The following RTKN2 variants were observed in gnomAD, a reference collection of about 807,000 sequenced individuals.
The protein encoded by RTKN2 is rhotekin-2.
In RTKN2, 69 loss-of-function variants were observed where a neutral mutation model predicts 71.5. The ratio of observed to expected loss-of-function variants is 0.96; its 90% CI spans 0.79 to 1.18. RTKN2 has a LOEUF of 1.18. Among genes scored for constraint, RTKN2 ranks in the 50% most tolerant of loss-of-function variants. The pLI is 0.00. For missense variants in RTKN2, 724 were observed against 719.7 expected (o/e 1.01, Z -0.07); for synonymous variants, 236 against 236.5 (o/e 1.00, Z 0.02).
At chr10:62,209,320 A>G (rs935530727) in intron 9 of RTKN2, among the ~76,000 whole-genome samples, 3 of 152,092 alleles carry the variant, frequency 2.0e-5, no homozygotes, top group Non-Finnish European at 4.4e-5. Context: ...GCAACTAGAA[A>G]AATCCAGACT....
intron 9 of RTKN2, among the ~76,000 whole-genome samples, chr10:62,213,886 AATT>A (rs1182245329): frequency 6.6e-6 from 1 of 152,078 alleles, no homozygotes; most frequent in Non-Finnish European, 1.5e-5. Flanking sequence ...AAGGAAAAAT[AATT>A]ATATAACAGT....
At chr10:62,184,481 G>A in intron 8 of RTKN2, 1 of 613,294 alleles carries the variant, frequency 1.6e-6, no homozygotes. Flanking sequence ...GGCAGTCAGT[G>A]GAAAAGATTG....
chr10:62,254,164 C>T (rs1842631969), intron 2 of RTKN2, among the ~76,000 whole-genome samples: 1 of 152,164 alleles, frequency 6.6e-6, no homozygotes, highest in African/African-American at 2.4e-5. Context: ...CTCTGTGTCC[C>T]ACCCAAATCT....
intron 9 of RTKN2, among the ~76,000 whole-genome samples, chr10:62,209,498 T>C (rs1178130468): frequency 6.6e-6 from 1 of 152,038 alleles, no homozygotes; most frequent in East Asian, 1.9e-4. Flanking sequence ...GGGGTACAAG[T>C]GCAGGTTTGT....
rs1209640204 is a variant in RTKN2, at chr10:62,241,160, G to A, written c.352C>T (p.His118Tyr). 2 of 1,556,318 alleles carry A rather than the reference G, an allele frequency of 1.3e-6. No homozygotes were observed. The highest frequency in any genetic ancestry group is 2.3e-5 in the East Asian group (1 of 44,302). Residue 118 changes from histidine (H) to tyrosine (Y), a missense_variant, in exon 4 of 12, where the codon CAC (histidine) becomes TAC (tyrosine). Transcript: ENST00000373789. ...TACATACGTTCTTTATTGCTGAAGT[G>A]ATCAGAGTCTTTCCACATTAGTGGT... ...RIPLMWKDSDHFSNKERSRRY... is the reference protein window; with the variant it reads ...RIPLMWKDSDYFSNKERSRRY...
At chr10:62,220,441 C>CT (rs1459893524) in intron 7 of RTKN2, among the ~76,000 whole-genome samples, 1 of 152,104 alleles carries the variant, frequency 6.6e-6, no homozygotes, top group African/African-American at 2.4e-5. Flanking sequence ...CTGAAATCAA[C>CT]TTTGTGATTT....
At chr10:62,268,107 C>G (rs886503656) in intron 1 of RTKN2, among the ~76,000 whole-genome samples, 4 of 152,230 alleles carry the variant, frequency 2.6e-5, no homozygotes, top group Non-Finnish European at 5.9e-5. Flanking sequence ...CCCCCTCCCC[C>G]CAACCAGTTC....
intron 6 of RTKN2, among the ~76,000 whole-genome samples, chr10:62,231,996 T>C (rs1842158941): frequency 6.6e-6 from 1 of 152,212 alleles, no homozygotes; most frequent in African/African-American, 2.4e-5. Context: ...GGGTTCACAC[T>C]ACAGTGTCAA....
chr10:62,224,212 A>G (rs1841971418), intron 6 of RTKN2, among the ~76,000 whole-genome samples: 1 of 152,104 alleles, frequency 6.6e-6, no homozygotes, highest in Non-Finnish European at 1.5e-5. Flanking sequence ...ATTAGTGTTC[A>G]ATAGGTACAG....
At chr10:62,234,936 C>G (rs1337703064) in intron 6 of RTKN2, among the ~76,000 whole-genome samples, 1 of 151,916 alleles carries the variant, frequency 6.6e-6, no homozygotes. Flanking sequence ...GTAGGAAGTA[C>G]ATCTAATAAT....
At chr10:62,239,333 TTC>T (rs1842323206) in intron 5 of RTKN2, 1 of 181,130 alleles carries the variant, frequency 5.5e-6, no homozygotes, top group African/African-American at 2.4e-5. Flanking sequence ...TTACAGGATA[TTC>T]TGTTGTATGC....
chr10:62,211,730 G>A (rs932635528), intron 9 of RTKN2, among the ~76,000 whole-genome samples: 6 of 151,272 alleles, frequency 4.0e-5, no homozygotes, highest in Non-Finnish European at 8.8e-5. Context: ...GCACAATCTC[G>A]GCTCACTGCA....
At chr10:62,186,867 T>G (rs977369741) in intron 8 of RTKN2, among the ~76,000 whole-genome samples, 1 of 152,116 alleles carries the variant, frequency 6.6e-6, no homozygotes, top group Non-Finnish European at 1.5e-5. Context: ...TAGCAATAAG[T>G]TGGTTGAGTA....
chr10:62,228,590 T>C (rs1227117642), intron 6 of RTKN2, among the ~76,000 whole-genome samples: 2 of 152,154 alleles, frequency 1.3e-5, no homozygotes, highest in African/African-American at 4.8e-5. Flanking sequence ...CCATGAAGGA[T>C]AGTTATGAAA....
At chr10:62,198,466 A>G in intron 11 of RTKN2, 23 bp from the exon 12 acceptor site, 1 of 1,389,642 alleles carries the variant, frequency 7.2e-7, no homozygotes, top group East Asian at 2.3e-5. Context: ...TAAGAAAAAA[A>G]AACATGAAAA....
intron 3 of RTKN2, among the ~76,000 whole-genome samples, chr10:62,241,485 G>A (rs1842373469): frequency 6.6e-6 from 1 of 152,092 alleles, no homozygotes; most frequent in South Asian, 2.1e-4. Context: ...TATCATATAT[G>A]CCATTCTGAG....
chr10:62,204,881 A>G lies in RTKN2; in HGVS notation c.1162T>C (p.Phe388Leu). Residue 388 changes from phenylalanine (F) to leucine (L), a missense_variant, in exon 10 of 12, where the codon TTC (phenylalanine) becomes CTC (leucine). By Grantham distance (22) the Phe-to-Leu change is conservative. Coordinates refer to ENST00000373789, the MANE Select transcript of RTKN2 (RefSeq NM_145307.4). ...CTAAGATCAAAGAAATGCTGCCAGA[A>G]GGCTTCCATCCACTTCTGAAGATCT... ...REDLQKWMEAFWQHFFDLSQW... is the reference protein window; with the variant it reads ...REDLQKWMEALWQHFFDLSQW... 6.4e-7 allele frequency: 1 copy of G among 1,572,982 alleles called. No individual in the cohort carries two copies. Among genetic ancestry groups the G allele is most frequent in the Non-Finnish European group, 8.6e-7 (1 of 1,166,434 alleles).
chr10:62,221,080 G>GT (rs1311853038), intron 7 of RTKN2, among the ~76,000 whole-genome samples: 1 of 150,536 alleles, frequency 6.6e-6, no homozygotes, highest in Non-Finnish European at 1.5e-5. Flanking sequence ...TAAGATACAA[G>GT]TAGTGCACAG....
At chr10:62,246,167 A>C in intron 2 of RTKN2, 110 bp from the exon 3 acceptor site, 1 of 649,642 alleles carries the variant, frequency 1.5e-6, no homozygotes, top group Non-Finnish European at 2.7e-6. Context: ...TCCGTGAATA[A>C]TAATGACTTC....
Sources: gnomAD v4.1 joint callset for allele counts (sites outside exome capture counted in the v4.1 genomes callset) on GRCh38, gnomAD v4.1.1 for gene constraint, MANE v1.5 for transcripts, NCBI Gene and HGNC (gene_info 2026-07-23, HGNC 2026-07-21) for gene names.